JAKMIP3: variants seen among roughly 807,000 people sequenced by gnomAD.
JAKMIP3 encodes Janus kinase and microtubule interacting protein 3.
Under a neutral mutation model 118.5 loss-of-function variants are expected in JAKMIP3, and 58 were observed. The ratio of observed to expected loss-of-function variants is 0.49; its 90% confidence interval spans 0.40 to 0.61. The LOEUF (loss-of-function observed/expected upper bound fraction) is 0.61. Among genes scored for constraint, JAKMIP3 ranks in the 20% least tolerant of loss-of-function variants. The pLI is 0.00. For missense variants in JAKMIP3, 950 were observed against 1,109.0 expected, an observed-to-expected ratio of 0.86 and a Z score of 2.04; for synonymous variants, 486 against 451.2, an observed-to-expected ratio of 1.08 and a Z score of -0.98.
chr10:132,055,796 C>T (rs2038222621), intron 1 of JAKMIP3, among the ~76,000 whole-genome samples: 1 of 152,210 alleles, frequency 6.6e-6, no homozygotes, highest in South Asian at 2.1e-4. Context: ...TTGTGTCCCA[C>T]TGTGCCATCA....
chr10:132,155,299 G>C (rs1417796136), intron 19 of JAKMIP3, among the ~76,000 whole-genome samples: 1 of 152,148 alleles, frequency 6.6e-6, no homozygotes, highest in Admixed American at 6.5e-5. Context: ...CCTTTCCTAT[G>C]TGGCAGGCAC....
At chr10:132,058,915 C>T (rs952156873) in intron 1 of JAKMIP3, among the ~76,000 whole-genome samples, 3 of 152,238 alleles carry the variant, frequency 2.0e-5, no homozygotes, top group East Asian at 1.9e-4. Flanking sequence ...GCTTCTTGTG[C>T]GGCTCCTTGG....
intron 2 of JAKMIP3, among the ~76,000 whole-genome samples, chr10:132,115,494 C>T (rs74161723): frequency 0.096 from 14,592 of 152,282 alleles, 891 homozygotes; most frequent in Admixed American, 0.22. Flanking sequence ...TTTTCTGCAT[C>T]ATCCTGGAGT....
intron 9 of JAKMIP3, among the ~76,000 whole-genome samples, chr10:132,138,979 C>G (rs899285459): frequency 6.6e-6 from 1 of 152,154 alleles, no homozygotes; most frequent in African/African-American, 2.4e-5. Flanking sequence ...TGTGATAAAC[C>G]TATGATTTTT....
intron 1 of JAKMIP3, among the ~76,000 whole-genome samples, chr10:132,075,715 CTA>C (rs2040683499): frequency 6.6e-6 from 1 of 152,158 alleles, no homozygotes; most frequent in African/African-American, 2.4e-5. Flanking sequence ...TCAGATACTT[CTA>C]TATATGTTAG....
chr10:132,180,730 C>T (rs948527504), intron 23 of JAKMIP3, among the ~76,000 whole-genome samples: 2,217 of 8,614 alleles, frequency 0.26, 517 homozygotes, highest in East Asian at 0.48. Context: ...CGTGTGTGTG[C>T]GTGTGTGCGT....
At chr10:132,048,883 G>T (rs1305590492) in intron 1 of JAKMIP3, among the ~76,000 whole-genome samples, 1 of 151,946 alleles carries the variant, frequency 6.6e-6, no homozygotes, top group African/African-American at 2.4e-5. Context: ...CTCGTGATCC[G>T]CCTGCCTTCG....
upstream of JAKMIP3, among the ~76,000 whole-genome samples, chr10:132,063,705 C>T (rs1309156468): frequency 6.6e-6 from 1 of 152,198 alleles, no homozygotes; most frequent in Non-Finnish European, 1.5e-5. Context: ...GAATCAAAAG[C>T]ACATACACGC....
intron 16 of JAKMIP3, among the ~76,000 whole-genome samples, chr10:132,151,947 T>G (rs190915708): frequency 2.0e-5 from 3 of 152,346 alleles, no homozygotes; most frequent in African/African-American, 7.2e-5. Context: ...CAGTGTTGAC[T>G]TCACATGCAA....
intron 1 of JAKMIP3, among the ~76,000 whole-genome samples, chr10:132,103,427 G>T (rs1414528937): frequency 8.1e-6 from 1 of 123,160 alleles, no homozygotes; most frequent in Non-Finnish European, 1.7e-5. Flanking sequence ...AGCTGGAGGG[G>T]AGGAGCACCT....
At chr10:132,109,013 ATATG>A (rs1397086011) in intron 2 of JAKMIP3, among the ~76,000 whole-genome samples, 24 of 149,322 alleles carry the variant, frequency 1.6e-4, no homozygotes, top group East Asian at 7.8e-4. Flanking sequence ...GCAAATGTAT[ATATG>A]TATACAAATT....
intron 1 of JAKMIP3, among the ~76,000 whole-genome samples, chr10:132,069,732 T>C (rs904860878): frequency 6.6e-6 from 1 of 152,162 alleles, no homozygotes; most frequent in African/African-American, 2.4e-5. Flanking sequence ...GAGGAAACCA[T>C]GGACAGAAGG....
chr10:132,165,139 C>CA (rs2058764880), intron 21 of JAKMIP3, among the ~76,000 whole-genome samples: 1 of 152,230 alleles, frequency 6.6e-6, no homozygotes, highest in African/African-American at 2.4e-5. Flanking sequence ...TCTAAGAATC[C>CA]AGTTCCCGGA....
At chr10:132,180,303 G>A (rs544014536) in intron 23 of JAKMIP3, among the ~76,000 whole-genome samples, 1 of 152,014 alleles carries the variant, frequency 6.6e-6, no homozygotes, top group African/African-American at 2.4e-5. Context: ...GGAGCCCCAT[G>A]GAGCCACAGA....
At chr10:132,148,116 T>C in intron 14 of JAKMIP3, 66 bp downstream of exon 14, 1 of 975,054 alleles carries the variant, frequency 1.0e-6, no homozygotes, top group East Asian at 2.6e-5. Context: ...TCAGCCTTCC[T>C]AACCCACACA....
chr10:132,039,062 G>A (rs1248708087), intron 1 of JAKMIP3, among the ~76,000 whole-genome samples: 1 of 152,226 alleles, frequency 6.6e-6, no homozygotes, highest in Non-Finnish European at 1.5e-5. Flanking sequence ...AGCAAGGGAG[G>A]AGGTACAGAC....
At chr10:132,159,561 TG>T (rs1226944382) in intron 19 of JAKMIP3, among the ~76,000 whole-genome samples, 6 of 82,154 alleles carry the variant, frequency 7.3e-5, no homozygotes, top group East Asian at 8.3e-4. Context: ...TGTGTGATGC[TG>T]GGGGGGCGTG....
intron 23 of JAKMIP3, among the ~76,000 whole-genome samples, chr10:132,180,582 T>TGTGTGTGC (rs1158301996): frequency 1.4e-4 from 3 of 21,304 alleles, no homozygotes; most frequent in Admixed American, 7.3e-4. Context: ...TGTGTGTGCG[T>TGTGTGTGC]GCGCGTGTGT....
At chr10:132,047,488 T>C (rs987744594) in intron 1 of JAKMIP3, among the ~76,000 whole-genome samples, 2 of 152,220 alleles carry the variant, frequency 1.3e-5, no homozygotes, top group African/African-American at 4.8e-5. Context: ...GTTCTTTTTC[T>C]TTCCCAGCTA....
Sources: gnomAD v4.1 joint callset for allele counts (sites outside exome capture counted in the v4.1 genomes callset) on GRCh38, gnomAD v4.1.1 for gene constraint, MANE v1.5 for transcripts, NCBI Gene and HGNC (gene_info 2026-07-23, HGNC 2026-07-21) for gene names.